The following CPNE5 variants were observed in gnomAD, a reference collection of about 807,000 sequenced individuals.
The protein encoded by CPNE5 is copine-5.
In CPNE5, 42 loss-of-function variants were observed where a neutral mutation model predicts 81.1. The ratio of observed to expected loss-of-function variants is 0.52; its 90% confidence interval spans 0.40 to 0.67. The LOEUF is 0.67. CPNE5 is among the 30% of genes least tolerant of loss of function. CPNE5 has a pLI of 0.00. For synonymous variants in CPNE5, 313 were observed against 321.5 expected, an observed-to-expected ratio of 0.97 and a Z score of 0.28; for missense variants, 612 against 815.5, an observed-to-expected ratio of 0.75 and a Z score of 3.04.
chr6:36,803,322 C>T (rs1770294354), intron 3 of CPNE5, among the ~76,000 whole-genome samples: 1 of 152,158 alleles, frequency 6.6e-6, no homozygotes, highest in African/African-American at 2.4e-5. Context: ...ATCCTGTTCT[C>T]CAACTCCCCA....
At chr6:36,810,220 A>G (rs7772308) in intron 3 of CPNE5, among the ~76,000 whole-genome samples, 3,020 of 152,086 alleles carry the variant, frequency 0.02, 99 homozygotes, top group African/African-American at 0.067. Flanking sequence ...TTACAGCTGG[A>G]TTGAGCTTCG....
At chr6:36,804,773 A>G (rs931664419) in intron 3 of CPNE5, among the ~76,000 whole-genome samples, 18 of 151,138 alleles carry the variant, frequency 1.2e-4, no homozygotes, top group African/African-American at 4.4e-4. Context: ...CTAGAGATTG[A>G]TTCTGCCTAA....
At chr6:36,815,769 T>C (rs1014381370) in intron 3 of CPNE5, among the ~76,000 whole-genome samples, 1 of 152,202 alleles carries the variant, frequency 6.6e-6, no homozygotes, top group Non-Finnish European at 1.5e-5. Context: ...CAGCTGCTGG[T>C]GAAAAGTTTA....
rs1561788698 is a variant in CPNE5 at position 36,790,123 on chromosome 6, C to T, written c.528+1910G>A. 3.9e-5 allele frequency among the ~76,000 whole-genome samples: 6 copies of T among 152,140 alleles called. No individual in the cohort carries two copies. The South Asian group carries it at 1.0e-3, about 26-fold the overall frequency. On this transcript the variant is annotated intron_variant, in intron 8 of 20. Transcript: ENST00000244751. ...GTGTGACCTTGGACCGATCAATTAACCTCTCTGTGCTTCAGTTTCCTTATC... is the reference window on the plus strand; with the variant it reads ...GTGTGACCTTGGACCGATCAATTAATCTCTCTGTGCTTCAGTTTCCTTATC...
chr6:36,813,576 G>T (rs1168948715), intron 3 of CPNE5, among the ~76,000 whole-genome samples: 1 of 152,170 alleles, frequency 6.6e-6, no homozygotes, highest in Non-Finnish European at 1.5e-5. Context: ...ATCACACTTA[G>T]ATCAGTATCA....
intron 3 of CPNE5, among the ~76,000 whole-genome samples, chr6:36,802,155 G>T (rs1770168618): frequency 7.0e-6 from 1 of 143,612 alleles, no homozygotes; most frequent in Non-Finnish European, 1.5e-5. Context: ...GGAGGCGGAG[G>T]TTGCAGTGAG....
At chr6:36,749,236 G>A (rs1046786771) in intron 14 of CPNE5, among the ~76,000 whole-genome samples, 2 of 152,146 alleles carry the variant, frequency 1.3e-5, no homozygotes, top group African/African-American at 4.8e-5. Context: ...ACATCTGGCT[G>A]AATATTAGAT....
chr6:36,767,289 T>C (rs236427), intron 10 of CPNE5, among the ~76,000 whole-genome samples: 126,693 of 152,188 alleles, frequency 0.83, 52,810 homozygotes, highest in Middle Eastern at 0.88. Flanking sequence ...GACTCCCAGG[T>C]CCAGCTCTGG....
chr6:36,773,454 T>A (rs1767220972), intron 10 of CPNE5, among the ~76,000 whole-genome samples: 1 of 152,184 alleles, frequency 6.6e-6, no homozygotes, highest in Non-Finnish European at 1.5e-5. Context: ...AATGTCTGCC[T>A]CCCCTACTGG....
intron 3 of CPNE5, among the ~76,000 whole-genome samples, chr6:36,802,432 G>A (rs1314600653): frequency 2.0e-5 from 3 of 151,878 alleles, no homozygotes; most frequent in Non-Finnish European, 4.4e-5. Flanking sequence ...CTCCAGCTTG[G>A]GCAATAGAGA....
chr6:36,800,366 G>C lies in CPNE5; in HGVS notation c.184-296C>G, dbSNP rs897367517. ...CCCTTCACCTGGCCTCCCTGTCTCT[G>C]CCAGTGGCATATCCTCATTCCTTCA... On this transcript the variant is annotated intron_variant, in intron 3 of 20. Transcript: ENST00000244751. 2.6e-5 allele frequency among the ~76,000 whole-genome samples: 4 copies of C among 152,142 alleles called. No homozygotes were observed. In the East Asian group the frequency reaches 5.8e-4, roughly 22 times the overall value.
intron 17 of CPNE5, 78 bp from the exon 18 acceptor site, chr6:36,745,228 A>C (rs532315743): frequency 1.8e-4 from 266 of 1,450,444 alleles, no homozygotes; most frequent in Non-Finnish European, 2.4e-4. Flanking sequence ...GACCCTGAAC[A>C]CTTTGGAGGG....
At chr6:36,838,685 T>C (rs577003378) in intron 1 of CPNE5, 1 of 798,230 alleles carries the variant, frequency 1.3e-6, no homozygotes, top group African/African-American at 1.9e-5. Context: ...GTTGTTATCA[T>C]GTATCCACAC....
intron 1 of CPNE5, among the ~76,000 whole-genome samples, chr6:36,825,855 G>A (rs1481101949): frequency 1.3e-5 from 2 of 152,204 alleles, no homozygotes; most frequent in African/African-American, 4.8e-5. Flanking sequence ...AAGTGATAAG[G>A]AGGAGGGGGA....
intron 12 of CPNE5, among the ~76,000 whole-genome samples, chr6:36,759,074 T>G (rs10807174): frequency 0.56 from 85,344 of 151,572 alleles, 24,777 homozygotes; most frequent in Non-Finnish European, 0.66. Context: ...GGACAGCATC[T>G]CAAACTTTTG....
chr6:36,818,436 C>G (rs149784098), intron 3 of CPNE5, among the ~76,000 whole-genome samples: 1 of 152,172 alleles, frequency 6.6e-6, no homozygotes, highest in South Asian at 2.1e-4. Context: ...TTTTCCCCAG[C>G]GCCTGGCACT....
chr6:36,751,855 G>A (rs984462339), intron 14 of CPNE5, among the ~76,000 whole-genome samples: 2 of 151,940 alleles, frequency 1.3e-5, no homozygotes, highest in African/African-American at 2.4e-5. Flanking sequence ...CAGGATGAGG[G>A]GTGTTTGAGA....
chr6:36,821,170 C>T (rs1282541457), intron 3 of CPNE5, among the ~76,000 whole-genome samples: 1 of 123,092 alleles, frequency 8.1e-6, no homozygotes, highest in Non-Finnish European at 2.0e-5. Flanking sequence ...GGCCACTAAG[C>T]CATGTGGGAA....
chr6:36,827,341 G>A (rs962634063), intron 1 of CPNE5: 6 of 985,216 alleles, frequency 6.1e-6, no homozygotes, highest in Admixed American at 6.2e-5. Flanking sequence ...GGCTTTGGAC[G>A]GGTGGCTTCA....
Sources: allele counts gnomAD v4.1 joint callset (sites outside exome capture counted in the v4.1 genomes callset), GRCh38; gene constraint gnomAD v4.1.1; transcripts MANE v1.5; gene names NCBI Gene and HGNC (gene_info 2026-07-23, HGNC 2026-07-21).